RBAK: variants seen among roughly 807,000 people sequenced by gnomAD.
RBAK encodes RB-associated KRAB zinc finger protein.
A neutral mutation model predicts 65.8 loss-of-function variants in RBAK; 39 were observed. The ratio of observed to expected loss-of-function variants is 0.59; its 90% CI spans 0.46 to 0.77. The LOEUF (loss-of-function observed/expected upper bound fraction) is 0.77, where lower values mean the gene tolerates loss of function less well. RBAK is among the 30% of genes least tolerant of loss of function. The pLI is 0.00. For missense variants in RBAK, 884 were observed against 855.1 expected, an observed-to-expected ratio of 1.03 and a Z score of -0.42; for synonymous variants, 343 against 289.7, an observed-to-expected ratio of 1.18 and a Z score of -1.87.
Position 5,066,672 on chromosome 7 carries a change from T to G in RBAK, c.*1071T>G, listed in dbSNP as rs1399365922. 2.6e-5 allele frequency: 4 copies of G among 152,206 alleles called. No individual in the cohort carries two copies. The highest frequency in any genetic ancestry group is 4.4e-5 in the Non-Finnish European group (3 of 68,006). 9.4% of individuals were successfully genotyped at this position (152,206 alleles called of 1,614,324 possible). A position where few individuals can be genotyped will look rare whatever the true frequency, so the allele number is the denominator to read the frequency against. On this transcript the variant is annotated 3_prime_UTR_variant, in exon 5 of 5. Transcript: ENST00000396912. ...AATTGATTCAAGTTTCTAGCAGATATTTTTTGATCAATTAACTTAATGTCC... is the reference window on the plus strand; with the variant it reads ...AATTGATTCAAGTTTCTAGCAGATAGTTTTTGATCAATTAACTTAATGTCC...
rs113950048 is a variant in RBAK, at chr7:5,065,823, A to G, written c.*222A>G. ...TACGACTCATCGGACACTAATTTAT[A>G]TAGGAGTGAAGTTTTATAAATATTT... On this transcript the variant is annotated 3_prime_UTR_variant, in exon 5 of 5. Coordinates refer to ENST00000396912, the MANE Select transcript of RBAK (RefSeq NM_021163.4). The surrounding 1 kb of genome is among the most constrained non-coding windows in gnomAD (Gnocchi z 5.3). 3.6e-5 allele frequency: 13 copies of G among 356,182 alleles called. No homozygotes were observed. Among genetic ancestry groups the G allele is most frequent in the East Asian group, 1.7e-4 (4 of 23,332 alleles). The allele number at this position is 356,182 out of a possible 1,614,324, so 22.1% of individuals were successfully genotyped here.
intron 4 of RBAK, among the ~76,000 whole-genome samples, chr7:5,060,449 A>G (rs1400302019): frequency 1.3e-5 from 2 of 152,274 alleles, no homozygotes; most frequent in African/African-American, 2.4e-5. Flanking sequence ...TAAAAGCTGC[A>G]TGAATTACTT....
In RBAK at chr7:5,066,414, T is replaced by C. The variant is rs1031662535; in HGVS notation, c.*813T>C. The C allele has an allele frequency of 6.6e-6, 1 of 151,662 alleles. No individual in the cohort carries two copies. Among genetic ancestry groups the C allele is most frequent in the Admixed American group, 6.6e-5 (1 of 15,236 alleles). 9.4% of individuals were successfully genotyped at this position (151,662 alleles called of 1,614,324 possible). A position where few individuals can be genotyped will look rare whatever the true frequency, so the allele number is the denominator to read the frequency against. The stretch of plus-strand genomic sequence containing the variant: ...TCTAAAAGACTATTTTGATAAACTA[T>C]ACATACATAATTTGGAATTGTTTAA... On this transcript the variant is annotated 3_prime_UTR_variant, in exon 5 of 5. Coordinates refer to ENST00000396912, the MANE Select transcript of RBAK (RefSeq NM_021163.4).
At chr7:5,049,135 T>G (rs569185246) in intron 2 of RBAK, among the ~76,000 whole-genome samples, 103 of 152,350 alleles carry the variant, frequency 6.8e-4, no homozygotes, top group African/African-American at 2.4e-3. Flanking sequence ...TTGGAAAAAT[T>G]TCTTCATTCA....
At chr7:5,052,985 C>T (rs1399016614) in intron 2 of RBAK, among the ~76,000 whole-genome samples, 1 of 152,204 alleles carries the variant, frequency 6.6e-6, no homozygotes, top group African/African-American at 2.4e-5. Context: ...GTCTCAAACT[C>T]CTGACCTCAG....
intron 2 of RBAK, among the ~76,000 whole-genome samples, chr7:5,056,654 A>G (rs2115035131): frequency 6.6e-6 from 1 of 152,340 alleles, no homozygotes; most frequent in South Asian, 2.1e-4. Flanking sequence ...GCATTCATTC[A>G]TTTAACGAAT....
At chr7:5,051,829 A>G (rs997874434) in intron 2 of RBAK, among the ~76,000 whole-genome samples, 3 of 152,178 alleles carry the variant, frequency 2.0e-5, no homozygotes, top group African/African-American at 7.2e-5. Flanking sequence ...TGTCTTGGGA[A>G]ACTTCTGTGC....
intron 4 of RBAK, among the ~76,000 whole-genome samples, chr7:5,061,017 C>G (rs1273039814): frequency 1.3e-5 from 2 of 152,154 alleles, no homozygotes; most frequent in African/African-American, 4.8e-5. Context: ...TTTGGGAACT[C>G]TTGTTTGTAT....
At chr7:5,046,796 G>T (rs1583450155) in intron 1 of RBAK, among the ~76,000 whole-genome samples, 1 of 152,092 alleles carries the variant, frequency 6.6e-6, no homozygotes, top group Non-Finnish European at 1.5e-5. Flanking sequence ...CAGTCTGCAG[G>T]GATTCTCTCT....
chr7:5,048,910 A>G lies in RBAK; in HGVS notation c.15+819A>G, dbSNP rs573638788. Among the ~76,000 whole-genome samples, 3 of 152,176 alleles carry G rather than the reference A, an allele frequency of 2.0e-5. No homozygotes were observed. Among genetic ancestry groups the G allele is most frequent in the African/African-American group, 7.2e-5 (3 of 41,432 alleles). On this transcript the variant is annotated intron_variant, in intron 2 of 4. Transcript: ENST00000396912. The surrounding 1 kb of genome is among the most constrained non-coding windows in gnomAD (Gnocchi z 4.4). ...AAACAACCACGTCTTGTGATAAGTCACTGAGTGTCAGGAGAACAGCACCAA... is the reference window on the plus strand; with the variant it reads ...AAACAACCACGTCTTGTGATAAGTCGCTGAGTGTCAGGAGAACAGCACCAA...
At position 5,046,191 on chromosome 7, in the gene RBAK, C is replaced by T. The variant is rs1787976649; in HGVS notation, c.-250C>T. 1 of 471,272 alleles carries T rather than the reference C, an allele frequency of 2.1e-6. No individual in the cohort carries two copies. Among genetic ancestry groups the T allele is most frequent in the South Asian group, 1.5e-5 (1 of 65,720 alleles). 29.2% of individuals were successfully genotyped at this position (471,272 alleles called of 1,614,324 possible). A position where few individuals can be genotyped will look rare whatever the true frequency, so the allele number is the denominator to read the frequency against. The stretch of plus-strand genomic sequence containing the variant: ...CGGCCTGGCCCAGGCTGCCGCTGTA[C>T]GGTGAGCCCGAGGGAGGCGGATCTG... On this transcript the variant is annotated 5_prime_UTR_variant, in exon 1 of 5. In the 5' UTR this introduces an upstream ATG that the reference lacks. Transcript: ENST00000396912.
intron 1 of RBAK, 143 bp downstream of exon 1, chr7:5,046,539 C>T (rs1787989284): frequency 2.9e-6 from 1 of 350,292 alleles, no homozygotes; most frequent in African/African-American, 2.2e-5. Context: ...CAGGGTCCGG[C>T]TGCACCGAAC....
chr7:5,048,433 C>T lies in RBAK; in HGVS notation c.15+342C>T, dbSNP rs1788043075. Among the ~76,000 whole-genome samples, 2 of 152,232 alleles carry T rather than the reference C, an allele frequency of 1.3e-5. No homozygotes were observed. The highest frequency in any genetic ancestry group is 4.1e-4 in the South Asian group (2 of 4,830). ...AGGTGATCCTCCTGCCTCAGCCTCC[C>T]AAAGTGCTGGGATTACAGGCATGAG... On this transcript the variant is annotated intron_variant, in intron 2 of 4. Coordinates refer to ENST00000396912, the MANE Select transcript of RBAK (RefSeq NM_021163.4). This position sits in a 1 kb window ranked among gnomAD's most constrained non-coding sequence, Gnocchi z 4.4.
intron 2 of RBAK, among the ~76,000 whole-genome samples, chr7:5,050,668 G>A (rs1454085801): frequency 2.0e-5 from 3 of 151,974 alleles, no homozygotes; most frequent in Admixed American, 1.3e-4. Context: ...TCAAACTCCT[G>A]TGCTCAAGTG....
In RBAK at chr7:5,068,463, T is replaced by C. The variant is rs1779274938; in HGVS notation, c.*2862T>C. 1 of 152,196 alleles carries C rather than the reference T, an allele frequency of 6.6e-6. No homozygotes were observed. Among genetic ancestry groups the C allele is most frequent in the Non-Finnish European group, 1.5e-5 (1 of 68,032 alleles). The allele number at this position is 152,196 out of a possible 1,614,324, so 9.4% of individuals were successfully genotyped here. ...AGGATATCCAGACGGCCAATAAGCA[T>C]GAAAAGATGTGTTAGCTTTATTAGT... On this transcript the variant is annotated 3_prime_UTR_variant, in exon 5 of 5. Coordinates refer to ENST00000396912, the MANE Select transcript of RBAK (RefSeq NM_021163.4).
chr7:5,054,405 CAA>C (rs35087089), intron 2 of RBAK, among the ~76,000 whole-genome samples: 39 of 103,754 alleles, frequency 3.8e-4, no homozygotes, highest in Non-Finnish European at 4.2e-4. Context: ...GACTTTGCCT[CAA>C]AAAAAAAAAA....
chr7:5,060,869 G>A (rs895377495), intron 4 of RBAK, among the ~76,000 whole-genome samples: 2 of 152,190 alleles, frequency 1.3e-5, no homozygotes, highest in African/African-American at 2.4e-5. Context: ...CATCAGGGTT[G>A]CATTGAATGT....
chr7:5,050,067 C>T (rs1164809389), intron 2 of RBAK, among the ~76,000 whole-genome samples: 1 of 152,120 alleles, frequency 6.6e-6, no homozygotes, highest in Admixed American at 6.5e-5. Context: ...AAACTCCTGA[C>T]CTCAAGCAAT....
At chr7:5,063,477 C>CTGTGTGTGTGTGTGTGTGTGTG (rs71535175) in intron 4 of RBAK, among the ~76,000 whole-genome samples, 4 of 147,196 alleles carry the variant, frequency 2.7e-5, no homozygotes, top group East Asian at 2.0e-4. Flanking sequence ...AATTCTTTCA[C>CTGTGTGTGTGTGTGTGTGTGTG]TGTGTGTGTG....
Sources: gnomAD v4.1 joint callset for allele counts (sites outside exome capture counted in the v4.1 genomes callset) on GRCh38, gnomAD v4.1.1 for gene constraint, Gnocchi (gnomAD v3.1) non-coding constraint, MANE v1.5 for transcripts, NCBI Gene and HGNC (gene_info 2026-07-23, HGNC 2026-07-21) for gene names.